The following SPINT4 variants were observed in gnomAD, a reference collection of about 807,000 sequenced individuals.
The protein encoded by SPINT4 is serine peptidase inhibitor, Kunitz type 4.
Under a neutral mutation model 9.4 loss-of-function variants are expected in SPINT4, and 7 were observed. That is an observed-to-expected ratio of 0.74 (90% CI 0.42 to 1.40). The LOEUF (loss-of-function observed/expected upper bound fraction) is 1.40. Among genes scored for constraint, SPINT4 ranks in the 40% most tolerant of loss-of-function variants. The probability of loss-of-function intolerance (pLI) is 0.01; values close to 1 mark genes in which losing one functional copy is unlikely to be tolerated. For missense variants in SPINT4, 105 were observed against 114.4 expected (o/e 0.92, Z 0.37); for synonymous variants, 36 against 39.9 (o/e 0.90, Z 0.37).
intron 2 of SPINT4, among the ~76,000 whole-genome samples, chr20:45,724,843 G>A (rs1461587545): frequency 1.4e-5 from 2 of 147,116 alleles, no homozygotes; most frequent in Non-Finnish European, 3.0e-5. Context: ...TGCCAGGCGT[G>A]GTGGCAGGCG....
At chr20:45,724,995 A>AAAAAAAAAAAAAAAAAAT (rs1387842262) in intron 2 of SPINT4, among the ~76,000 whole-genome samples, 2 of 36,430 alleles carry the variant, frequency 5.5e-5, no homozygotes, top group African/African-American at 3.8e-4. Flanking sequence ...AAAAAAAAAA[A>AAAAAAAAAAAAAAAAAAT]ATATATATAT....
intron 2 of SPINT4, among the ~76,000 whole-genome samples, chr20:45,724,851 G>T (rs1045460571): frequency 6.9e-6 from 1 of 145,852 alleles, no homozygotes; most frequent in Non-Finnish European, 1.5e-5. Flanking sequence ...GTGGTGGCAG[G>T]CGCCTGTAGT....
At position 45,724,211 on chromosome 20, in the gene SPINT4, G is replaced by A. The variant is rs561446377; in HGVS notation, c.293+154G>A. Among the ~76,000 whole-genome samples, 559 of 152,062 alleles carry A rather than the reference G, an allele frequency of 3.7e-3. 2 individuals carry two copies. Among genetic ancestry groups the A allele is most frequent in the African/African-American group, 0.013 (538 of 41,504 alleles). On this transcript the variant is annotated intron_variant, in intron 2 of 2. Coordinates refer to ENST00000279058, the MANE Select transcript of SPINT4 (RefSeq NM_178455.3). ...AGAAGTTTTAACAGTTGGGTTGGCC[G>A]GGCGCAGTGGCTCATGCCTGTAACC...
rs545535356 is a variant in SPINT4 at position 45,723,674 on chromosome 20, CA to C, written c.116-204del. Among the ~76,000 whole-genome samples the C allele has an allele frequency of 3.5e-3, 530 of 152,254 alleles. 5 individuals are homozygous for C. Among genetic ancestry groups the C allele is most frequent in the African/African-American group, 0.012 (506 of 41,556 alleles). The stretch of plus-strand genomic sequence containing the variant: ...TTCTCCAATACACTGCTCACGACAA[CA>C]ACCTGGAATTTTAACCAATTTGCAT... On this transcript the variant is annotated intron_variant, in intron 1 of 2. Transcript: ENST00000279058.
intron 1 of SPINT4, 44 bp from the exon 2 acceptor site, chr20:45,723,836 G>A (rs988632900): frequency 6.6e-7 from 1 of 1,509,928 alleles, no homozygotes; most frequent in Non-Finnish European, 8.8e-7. Flanking sequence ...CTCCTGCTGA[G>A]TCCTTACCAA....
intron 2 of SPINT4, among the ~76,000 whole-genome samples, chr20:45,724,995 A>AAAAAAAAAT (rs1387842262): frequency 1.9e-4 from 7 of 36,422 alleles, no homozygotes; most frequent in Admixed American, 3.2e-4. Context: ...AAAAAAAAAA[A>AAAAAAAAAT]ATATATATAT....
Position 45,724,960 on chromosome 20 carries a change from A to T in SPINT4, c.294-669A>T, listed in dbSNP as rs1216929941. Among the ~76,000 whole-genome samples the T allele has an allele frequency of 3.0e-5, 4 of 131,898 alleles. 1 individual carries two copies. The highest frequency in any genetic ancestry group is 1.2e-4 in the African/African-American group (4 of 33,252). The allele number at this position is 131,898 out of a possible 152,430, so 86.5% of individuals were successfully genotyped here. A position where few individuals can be genotyped will look rare whatever the true frequency, so the allele number is the denominator to read the frequency against. On this transcript the variant is annotated intron_variant, in intron 2 of 2. Coordinates refer to ENST00000279058, the MANE Select transcript of SPINT4 (RefSeq NM_178455.3). ...ATGCCACTGCACTCCAGCCTGGGAG[A>T]CAAAGTGAGACTCCATCTCAAAAAA...
intron 1 of SPINT4, among the ~76,000 whole-genome samples, chr20:45,722,950 G>A (rs1984836049): frequency 6.6e-6 from 1 of 152,106 alleles, no homozygotes. Flanking sequence ...TTCTTCCATA[G>A]ATAGTGTGTG....
chr20:45,725,009 T>G lies in SPINT4; in HGVS notation c.294-620T>G, dbSNP rs866961779. ...AAAAAAAAAAAAATATATATATATA[T>G]ATATATATATATATATATCAATAGA... On this transcript the variant is annotated intron_variant, in intron 2 of 2. Coordinates refer to ENST00000279058, the MANE Select transcript of SPINT4 (RefSeq NM_178455.3). 2.6e-5 allele frequency among the ~76,000 whole-genome samples: 3 copies of G among 113,434 alleles called. 1 individual carries two copies. The highest frequency in any genetic ancestry group is 4.9e-5 in the Non-Finnish European group (3 of 60,730). 74.4% of individuals were successfully genotyped at this position (113,434 alleles called of 152,430 possible).
intron 2 of SPINT4, among the ~76,000 whole-genome samples, chr20:45,725,210 C>T (rs1360293184): frequency 6.6e-6 from 1 of 151,060 alleles, no homozygotes; most frequent in African/African-American, 2.4e-5. Flanking sequence ...CTTGCACTCT[C>T]ATACCTTTGA....
rs1215258479 is a variant in SPINT4, at chr20:45,722,477, T to G, written c.110T>G (p.Leu37Arg). 1 of 1,601,566 alleles carries G rather than the reference T, an allele frequency of 6.2e-7. No homozygotes were observed. Among genetic ancestry groups the G allele is most frequent in the Non-Finnish European group, 8.6e-7 (1 of 1,168,434 alleles). Residue 37 changes from leucine to arginine, a missense_variant, in exon 1 of 3, where the codon CTC becomes CGC. Physicochemically the swap from Leu to Arg is moderately radical, Grantham distance 102. Coordinates refer to ENST00000279058, the MANE Select transcript of SPINT4 (RefSeq NM_178455.3). ...NKIAEKICGD[L>R]KDPCKLDMNF... ...ATTGCGGAGAAGATATGTGGAGACC[T>G]CAAAGGTATGAAGCTAAGGCAGAAA...
rs142613680 is a variant in SPINT4 at position 45,724,057 on chromosome 20, C to G, written c.293C>G (p.Pro98Arg). The change falls in exon 2 of 3, where the codon CCG (proline) becomes CGG (arginine). Residue 98 changes from proline (P) to arginine (R), a missense_variant and splice_region_variant. Physicochemically the swap from Pro to Arg is moderately radical, Grantham distance 103 (BLOSUM62 -2). Coordinates refer to ENST00000279058, the MANE Select transcript of SPINT4 (RefSeq NM_178455.3). ...EVACVAKYKP[P>R]R ...GCCTGTGTTGCAAAATACAAACCAC[C>G]GTAAGGAATCTAATCCTGTCCTTGG... 2 of 1,603,950 alleles carry G rather than the reference C, an allele frequency of 1.2e-6. No homozygotes were observed. The highest frequency in any genetic ancestry group is 1.7e-6 in the Non-Finnish European group (2 of 1,177,120).
Position 45,723,953 on chromosome 20 carries a change from C to T in SPINT4, c.189C>T (p.Ser63=). The T allele has an allele frequency of 3.1e-6, 5 of 1,608,306 alleles. No individual in the cohort carries two copies. Among genetic ancestry groups the T allele is most frequent in the Non-Finnish European group, 4.2e-6 (5 of 1,178,506 alleles). ...TTAGATATTTCTACAACAGAACCTC[C>T]AAAAGATGTGAAACTTTTGTCTTCT... ...VHFRYFYNRT[S]KRCETFVFSG... The change falls in exon 2 of 3, where the codon TCC becomes TCT. Residue 63 remains serine (S), a synonymous_variant. Transcript: ENST00000279058.
In SPINT4 at chr20:45,725,800, T is replaced by C; in HGVS notation, c.*165T>C. On this transcript the variant is annotated 3_prime_UTR_variant, in exon 3 of 3. Transcript: ENST00000279058. ...TTGTCTTTCCTGGAAATTAACTGTA[T>C]GATCATTAGAATGAAAGAGTCTTTC... is the stretch of plus-strand genomic sequence containing the variant. 1.2e-6 allele frequency: 1 copy of C among 824,542 alleles called. No homozygotes were observed. The allele number at this position is 824,542 out of a possible 1,614,324, so 51.1% of individuals were successfully genotyped here.
intron 2 of SPINT4, among the ~76,000 whole-genome samples, chr20:45,724,747 G>A (rs1247221894): frequency 2.0e-5 from 3 of 150,006 alleles, no homozygotes; most frequent in Admixed American, 6.6e-5. Context: ...TTGAGAGGCC[G>A]AGGTGGGCGG....
intron 2 of SPINT4, among the ~76,000 whole-genome samples, chr20:45,725,397 T>G (rs1978352621): frequency 6.6e-6 from 1 of 152,072 alleles, no homozygotes; most frequent in African/African-American, 2.4e-5. Context: ...AAATGTTGTT[T>G]TGTTTATTTT....
At chr20:45,725,209 T>C (rs1326569454) in intron 2 of SPINT4, among the ~76,000 whole-genome samples, 1 of 151,082 alleles carries the variant, frequency 6.6e-6, no homozygotes, top group Non-Finnish European at 1.5e-5. Flanking sequence ...TCTTGCACTC[T>C]CATACCTTTG....
intron 1 of SPINT4, among the ~76,000 whole-genome samples, chr20:45,722,915 T>C (rs2200586): frequency 0.089 from 13,593 of 152,112 alleles, 904 homozygotes; most frequent in South Asian, 0.22. Context: ...GAGCTCACAA[T>C]GTAAATGTGA....
At chr20:45,725,515 A>C (rs1226797001) in intron 2 of SPINT4, 114 bp from the exon 3 acceptor site, 1 of 1,048,608 alleles carries the variant, frequency 9.5e-7, no homozygotes, top group Non-Finnish European at 1.5e-6. Flanking sequence ...AAACATTGAG[A>C]TAGAAGGCAT....
Sources: allele counts gnomAD v4.1 joint callset (sites outside exome capture counted in the v4.1 genomes callset), GRCh38; gene constraint gnomAD v4.1.1; transcripts MANE v1.5; gene names NCBI Gene and HGNC (gene_info 2026-07-23, HGNC 2026-07-21).